Variants in ABCG2 observed in about 807,000 individuals in gnomAD.
The protein encoded by ABCG2 is broad substrate specificity ATP-binding cassette transporter ABCG2.
In ABCG2, 80 loss-of-function variants were observed where a neutral mutation model predicts 73.5. The ratio of observed to expected loss-of-function variants is 1.09; its 90% CI spans 0.91 to 1.31. The LOEUF (loss-of-function observed/expected upper bound fraction) is 1.31, where lower values mean the gene tolerates loss of function less well. Among genes scored for constraint, ABCG2 ranks in the 50% most tolerant of loss-of-function variants. ABCG2 has a pLI of 0.00. For missense variants in ABCG2, 796 were observed against 786.2 expected (o/e 1.01, Z -0.15); for synonymous variants, 269 against 282.4 (o/e 0.95, Z 0.48).
intron 1 of ABCG2, among the ~76,000 whole-genome samples, chr4:88,175,504 A>C (rs1727925797): frequency 6.6e-6 from 1 of 151,476 alleles, no homozygotes; most frequent in African/African-American, 2.5e-5. Context: ...AGTATGTTCA[A>C]AACAGGCAGA....
intron 1 of ABCG2, among the ~76,000 whole-genome samples, chr4:88,165,050 A>T (rs1445359798): frequency 6.6e-6 from 1 of 152,162 alleles, no homozygotes; most frequent in African/African-American, 2.4e-5. Flanking sequence ...AAGTGCTGGG[A>T]TTATAGGTGT....
chr4:88,123,573 G>C (rs145747295), intron 5 of ABCG2, among the ~76,000 whole-genome samples: 86 of 151,996 alleles, frequency 5.7e-4, no homozygotes, highest in African/African-American at 2.0e-3. Context: ...AGAGATTAAT[G>C]AAATAAACTT....
chr4:88,122,115 G>A (rs989210532), intron 5 of ABCG2, among the ~76,000 whole-genome samples: 2 of 152,174 alleles, frequency 1.3e-5, no homozygotes, highest in East Asian at 1.9e-4. Flanking sequence ...GTGCCACGAG[G>A]GATGGTGTAT....
At chr4:88,133,834 C>A (rs929489358) in intron 2 of ABCG2, among the ~76,000 whole-genome samples, 1 of 152,086 alleles carries the variant, frequency 6.6e-6, no homozygotes, top group Non-Finnish European at 1.5e-5. Context: ...CCCGTCTCTA[C>A]TAAAAATACA....
At chr4:88,175,328 A>G (rs7657757) in intron 1 of ABCG2, among the ~76,000 whole-genome samples, 36,117 of 152,112 alleles carry the variant, frequency 0.24, 5,673 homozygotes, top group African/African-American at 0.45. Flanking sequence ...AGCTCCAAAT[A>G]CCTGATTTTC....
At chr4:88,205,436 A>G (rs1211634336) in intron 1 of ABCG2, among the ~76,000 whole-genome samples, 4 of 152,194 alleles carry the variant, frequency 2.6e-5, no homozygotes, top group Admixed American at 1.3e-4. Context: ...CTACCTTTCT[A>G]TATACACACA....
intron 1 of ABCG2, among the ~76,000 whole-genome samples, chr4:88,150,745 T>G (rs1345371893): frequency 1.3e-5 from 2 of 152,236 alleles, no homozygotes; most frequent in Non-Finnish European, 2.9e-5. Flanking sequence ...TTGGGCCACA[T>G]GCACGTTGGA....
intron 10 of ABCG2, among the ~76,000 whole-genome samples, chr4:88,106,744 A>C (rs1404775687): frequency 6.6e-6 from 1 of 152,208 alleles, no homozygotes; most frequent in African/African-American, 2.4e-5. Flanking sequence ...TGAACTGTAC[A>C]TTTAAAAATA....
intron 1 of ABCG2, among the ~76,000 whole-genome samples, chr4:88,216,644 G>A (rs910570643): frequency 2.0e-5 from 3 of 152,160 alleles, no homozygotes; most frequent in African/African-American, 7.2e-5. Flanking sequence ...TGACCAGATG[G>A]CCACCTAGTA....
rs10005018 is a variant in ABCG2 at position 88,153,664 on chromosome 4, A to C, written c.-20+4722T>G. Among the ~76,000 whole-genome samples, 1,388 of 152,178 alleles carry C rather than the reference A, an allele frequency of 9.1e-3. 16 individuals are homozygous for C. The highest frequency in any genetic ancestry group is 0.031 in the African/African-American group (1,293 of 41,530). On this transcript the variant is annotated intron_variant, in intron 1 of 15. Coordinates refer to ENST00000237612, the MANE Select transcript of ABCG2 (RefSeq NM_004827.3). ...GGTGGGAAGGCCAAACCAAGGAATT[A>C]TGTCTGACAGAAGGGAAGATATGAC... is the stretch of plus-strand genomic sequence containing the variant.
rs778812075 is a variant in ABCG2, at chr4:88,095,532, T to C, written c.1725A>G (p.Arg575=). Residue 575 remains arginine (R), a synonymous_variant, in exon 14 of 16, where the codon CGA becomes CGG. Transcript: ENST00000237612. Reference sequence around the variant, plus strand: ...AAGGAAGACATACCGTAAATCCATATCGTGGAATGCTGAAGTACTGAAGCC... The same window carrying C: ...AAGGAAGACATACCGTAAATCCATACCGTGGAATGCTGAAGTACTGAAGCC... The part of the protein sequence containing the change: ...LSWLQYFSIP[R]YGFTALQHNE... 3 of 1,613,176 alleles carry C rather than the reference T, an allele frequency of 1.9e-6. No homozygotes were observed. In the South Asian group the frequency reaches 3.3e-5, roughly 18 times the overall value.
intron 2 of ABCG2, among the ~76,000 whole-genome samples, chr4:88,134,375 C>T (rs1344296043): frequency 6.6e-6 from 1 of 152,162 alleles, no homozygotes; most frequent in Non-Finnish European, 1.5e-5. Flanking sequence ...TGGGGTATCT[C>T]TCAGTGAAAC....
rs571120570 is a variant in ABCG2 at position 88,092,201 on chromosome 4, G to A, written c.*33C>T. On this transcript the variant is annotated 3_prime_UTR_variant, in exon 16 of 16. Transcript: ENST00000237612. ...TTCAATCAAAGTGCTTCTTTTTTATGTGAGGATAAATCATACTGAATTAAG... is the reference window on the plus strand; with the variant it reads ...TTCAATCAAAGTGCTTCTTTTTTATATGAGGATAAATCATACTGAATTAAG... 1 of 1,554,656 alleles carries A rather than the reference G, an allele frequency of 6.4e-7. No homozygotes were observed. The highest frequency in any genetic ancestry group is 1.4e-5 in the African/African-American group (1 of 71,898).
At chr4:88,205,392 T>C (rs1028705318) in intron 1 of ABCG2, among the ~76,000 whole-genome samples, 25 of 152,348 alleles carry the variant, frequency 1.6e-4, no homozygotes, top group African/African-American at 5.5e-4. Context: ...TTGTTTTCTC[T>C]GAAAAAGTAG....
intron 4 of ABCG2, 93 bp from the exon 5 acceptor site, chr4:88,131,306 T>C: frequency 3.0e-6 from 4 of 1,318,244 alleles, no homozygotes; most frequent in Non-Finnish European, 4.2e-6. Context: ...TCCACAAAGA[T>C]AACATAACTA....
At chr4:88,146,738 C>G (rs1726031822) in intron 1 of ABCG2, among the ~76,000 whole-genome samples, 2 of 151,920 alleles carry the variant, frequency 1.3e-5, no homozygotes, top group African/African-American at 4.8e-5. Context: ...GCGTGGTGGT[C>G]CACACCTGTG....
chr4:88,108,300 T>C (rs1023894039), intron 9 of ABCG2, among the ~76,000 whole-genome samples: 2 of 151,996 alleles, frequency 1.3e-5, no homozygotes, highest in African/African-American at 2.4e-5. Flanking sequence ...AGGGGGCAGA[T>C]TGCCTGAACT....
At chr4:88,106,878 C>T (rs1179827298) in intron 10 of ABCG2, among the ~76,000 whole-genome samples, 1 of 152,154 alleles carries the variant, frequency 6.6e-6, no homozygotes, top group African/African-American at 2.4e-5. Flanking sequence ...CCCGTCTCTA[C>T]TAAAAATACA....
At chr4:88,117,256 G>T (rs1434291436) in intron 7 of ABCG2, among the ~76,000 whole-genome samples, 3 of 151,788 alleles carry the variant, frequency 2.0e-5, no homozygotes, top group African/African-American at 7.3e-5. Context: ...GGGGGTTGAG[G>T]CTGCAGTGAG....
Sources: allele counts gnomAD v4.1 joint callset (sites outside exome capture counted in the v4.1 genomes callset), GRCh38; gene constraint gnomAD v4.1.1; transcripts MANE v1.5; gene names NCBI Gene and HGNC (gene_info 2026-07-23, HGNC 2026-07-21).